The following BTBD8 variants were observed in gnomAD, a reference collection of about 807,000 sequenced individuals.
BTBD8 encodes BTB/POZ domain-containing protein 8.
Under a neutral mutation model 162.9 loss-of-function variants are expected in BTBD8, and 110 were observed. The observed-to-expected ratio is 0.68, with a 90% CI of 0.58 to 0.79. BTBD8 has a LOEUF of 0.79. BTBD8 is among the 30% of genes least tolerant of loss of function. The pLI, the probability that BTBD8 is intolerant of heterozygous loss-of-function variation, is 0.00. For synonymous variants in BTBD8, 667 were observed against 716.1 expected (o/e 0.93, Z 1.10); for missense variants, 1,905 against 2,085.4 (o/e 0.91, Z 1.68).
At chr1:92,080,846 T>C in intron 1 of BTBD8, 126 bp downstream of exon 1, 1 of 1,431,946 alleles carries the variant, frequency 7.0e-7, no homozygotes, top group Non-Finnish European at 9.3e-7. Context: ...CTCAGGCGAC[T>C]GCGGGTCGTT....
At chr1:92,097,656 G>A (rs1014054637) in intron 2 of BTBD8, among the ~76,000 whole-genome samples, 6 of 152,092 alleles carry the variant, frequency 3.9e-5, no homozygotes, top group African/African-American at 1.4e-4. Flanking sequence ...TTTACGTGTG[G>A]CTTTCCAAAC....
In BTBD8 at chr1:92,147,771, G is replaced by C; in HGVS notation, c.1107G>C (p.Met369Ile). 6.2e-7 allele frequency: 1 copy of C among 1,612,816 alleles called. No individual in the cohort carries two copies. Among genetic ancestry groups the C allele is most frequent in the Non-Finnish European group, 8.5e-7 (1 of 1,179,306 alleles). The part of the protein sequence containing the change: ...PPEIQKSCLN[M>I]LIQSLNDKNA... ...AGATTCAGAAAAGTTGTCTTAATATGTTGATTCAGTCCTTAGTAAGTATAA... is the reference window on the plus strand; with the variant it reads ...AGATTCAGAAAAGTTGTCTTAATATCTTGATTCAGTCCTTAGTAAGTATAA... The change falls in exon 9 of 18, where the codon ATG becomes ATC. Residue 369 changes from methionine (M) to isoleucine (I), a missense_variant. Coordinates refer to ENST00000636805, the MANE Select transcript of BTBD8 (RefSeq NM_001376131.1).
In BTBD8 at chr1:92,108,032, G is replaced by A. The variant is rs548239298; in HGVS notation, c.662+31G>A. ...TAGACACGACTGATTTGCTGTCTTG[G>A]TTGTGGCTGTAGAGTGTGGAAGGGC... is the stretch of plus-strand genomic sequence containing the variant. On this transcript the variant is annotated intron_variant, in intron 4 of 17. Transcript: ENST00000636805. 6 of 1,579,530 alleles carry A rather than the reference G, an allele frequency of 3.8e-6. No individual in the cohort carries two copies. The Admixed American group carries it at 6.7e-5, about 18-fold the overall frequency.
At chr1:92,174,553 T>TTC (rs536135453) in intron 13 of BTBD8, among the ~76,000 whole-genome samples, 8 of 152,260 alleles carry the variant, frequency 5.3e-5, no homozygotes, top group African/African-American at 1.9e-4. Context: ...ATTAAGTAGA[T>TTC]TCAGTGTTAA....
At chr1:92,133,887 G>C (rs990469462) in intron 5 of BTBD8, among the ~76,000 whole-genome samples, 4 of 151,896 alleles carry the variant, frequency 2.6e-5, no homozygotes, top group African/African-American at 7.3e-5. Flanking sequence ...GCAGAATGGC[G>C]TGAACCCAGG....
At chr1:92,160,036 A>G (rs1476408110) in intron 9 of BTBD8, among the ~76,000 whole-genome samples, 1 of 152,096 alleles carries the variant, frequency 6.6e-6, no homozygotes, top group Non-Finnish European at 1.5e-5. Flanking sequence ...ATATTGTCCC[A>G]TAGTGCCTTA....
intron 2 of BTBD8, among the ~76,000 whole-genome samples, chr1:92,096,531 C>T (rs1169800674): frequency 6.6e-6 from 1 of 151,486 alleles, no homozygotes; most frequent in East Asian, 1.9e-4. Context: ...AGTCATACTA[C>T]ATGCAATCAC....
chr1:92,170,854 A>G (rs202230598), intron 12 of BTBD8, among the ~76,000 whole-genome samples: 1 of 120,894 alleles, frequency 8.3e-6, no homozygotes, highest in Non-Finnish European at 1.7e-5. Context: ...ATTTAATTAT[A>G]AAAAGAATAT....
chr1:92,142,700 C>T (rs1291645210), intron 7 of BTBD8, among the ~76,000 whole-genome samples: 10 of 152,208 alleles, frequency 6.6e-5, no homozygotes, highest in East Asian at 3.9e-4. Flanking sequence ...GGCTAGATGA[C>T]ACCATGTCCC....
At chr1:92,128,725 T>C (rs1415759655) in intron 4 of BTBD8, among the ~76,000 whole-genome samples, 1 of 152,178 alleles carries the variant, frequency 6.6e-6, no homozygotes. Context: ...TGGCCTATTA[T>C]TTTTTAAATA....
In BTBD8 at chr1:92,129,669, C is replaced by T. The variant is rs756288682; in HGVS notation, c.663-18C>T. 3.0e-5 allele frequency: 48 copies of T among 1,584,092 alleles called. No individual in the cohort carries two copies. The South Asian group carries it at 5.1e-4, about 17-fold the overall frequency. On this transcript the variant is annotated intron_variant, in intron 4 of 17. Coordinates refer to ENST00000636805, the MANE Select transcript of BTBD8 (RefSeq NM_001376131.1). ...TATGTAAATGTTTACCTGTGTTTCT[C>T]CCCCCTCTTCCCTTTAGGGCCATTT...
In BTBD8 at chr1:92,144,855, G is replaced by A. The variant is rs1414322408; in HGVS notation, c.931-2325G>A. On this transcript the variant is annotated intron_variant, in intron 7 of 17. Transcript: ENST00000636805. ...CACACACACACACGTATACACACAC[G>A]TATATATTTTATATAACTTAAAGTA... Among the ~76,000 whole-genome samples the A allele has an allele frequency of 1.3e-4, 19 of 145,790 alleles. No homozygotes were observed. In the South Asian group the frequency reaches 3.7e-3, roughly 28 times the overall value.
intron 13 of BTBD8, among the ~76,000 whole-genome samples, chr1:92,172,105 G>T (rs1570756680): frequency 6.6e-6 from 1 of 151,760 alleles, no homozygotes; most frequent in African/African-American, 2.4e-5. Flanking sequence ...CAAAAAAAAA[G>T]ATTTTAATTC....
intron 5 of BTBD8, 53 bp downstream of exon 5, chr1:92,129,829 T>G (rs1557450142): frequency 6.9e-7 from 1 of 1,438,870 alleles, no homozygotes; most frequent in Admixed American, 1.7e-5. Flanking sequence ...AAATTGTATT[T>G]CATACAAAGC....
At chr1:92,156,100 A>C (rs1477888151) in intron 9 of BTBD8, among the ~76,000 whole-genome samples, 2 of 152,178 alleles carry the variant, frequency 1.3e-5, no homozygotes, top group African/African-American at 4.8e-5. Context: ...ATTTACTTCT[A>C]TTCCTAACTT....
At chr1:92,083,143 A>C (rs552947775) in intron 1 of BTBD8, among the ~76,000 whole-genome samples, 1 of 152,136 alleles carries the variant, frequency 6.6e-6, no homozygotes, top group South Asian at 2.1e-4. Flanking sequence ...CTCAAAAAAA[A>C]AAAAAAAAAG....
chr1:92,094,977 T>C (rs907467598), intron 2 of BTBD8, among the ~76,000 whole-genome samples: 4 of 152,216 alleles, frequency 2.6e-5, no homozygotes, highest in Non-Finnish European at 5.9e-5. Context: ...TTGAAAGTGG[T>C]TGGAATAAGT....
At position 92,181,853 on chromosome 1, in the gene BTBD8, T is replaced by G. The variant is rs1650918404; in HGVS notation, c.4170T>G (p.Ser1390=). Residue 1390 remains serine (S), a synonymous_variant, in exon 17 of 18, where the codon TCT becomes TCG. Transcript: ENST00000636805. ...SSADETEDER[S]EAENVAENFS... The stretch of plus-strand genomic sequence containing the variant: ...CAGATGAAACAGAAGATGAAAGATC[T>G]GAAGCTGAAAACGTTGCAGAAAATT... 6.4e-7 allele frequency: 1 copy of G among 1,550,958 alleles called. No homozygotes were observed. Among genetic ancestry groups the G allele is most frequent in the African/African-American group, 1.4e-5 (1 of 73,014 alleles).
At chr1:92,134,875 T>C (rs896638999) in intron 5 of BTBD8, among the ~76,000 whole-genome samples, 1 of 143,452 alleles carries the variant, frequency 7.0e-6, no homozygotes, top group Non-Finnish European at 1.5e-5. Context: ...TTTTATTTTA[T>C]TTAATTAATT....
Sources: gnomAD v4.1 joint callset for allele counts (sites outside exome capture counted in the v4.1 genomes callset) on GRCh38, gnomAD v4.1.1 for gene constraint, MANE v1.5 for transcripts, NCBI Gene and HGNC (gene_info 2026-07-23, HGNC 2026-07-21) for gene names.